SLC4A10: variants seen among roughly 807,000 people sequenced by gnomAD.
SLC4A10 encodes the protein sodium-driven chloride bicarbonate exchanger.
Under a neutral mutation model 137.7 loss-of-function variants are expected in SLC4A10, and 42 were observed. That is an observed-to-expected ratio of 0.30 (90% CI 0.24 to 0.39). SLC4A10 has a LOEUF of 0.39. Ranked by LOEUF, SLC4A10 falls within the 10% of genes least tolerant of loss-of-function variation. SLC4A10 has a pLI of 1.00. For missense variants in SLC4A10, 925 were observed against 1,355.0 expected, an observed-to-expected ratio of 0.68 and a Z score of 4.98; for synonymous variants, 474 against 464.1, an observed-to-expected ratio of 1.02 and a Z score of -0.27.
Position 161,879,205 on chromosome 2 carries a change from C to G in SLC4A10, c.1023C>G (p.Phe341Leu), listed in dbSNP as rs552228145. 3.1e-6 allele frequency: 5 copies of G among 1,613,448 alleles called. No homozygotes were observed. Among genetic ancestry groups the G allele is most frequent in the South Asian group, 2.2e-5 (2 of 91,052 alleles). Residue 341 changes from phenylalanine (F) to leucine (L), a missense_variant, in exon 9 of 27, where the codon TTC becomes TTG. Around this residue, in one of 11 missense-constraint regions of SLC4A10, gnomAD observed 277 missense variants for 306.1 expected, o/e 0.90. Coordinates refer to ENST00000446997, the MANE Select transcript of SLC4A10 (RefSeq NM_001178015.2). Reference sequence around the variant, plus strand: ...ACATCTTAGTGGGAGAACTGGAGTTCTTGGATCGAACAGTAGTTGCGTTTG... The same window carrying G: ...ACATCTTAGTGGGAGAACTGGAGTTGTTGGATCGAACAGTAGTTGCGTTTG... ...ASNILVGELE[F>L]LDRTVVAFVR... is the part of the protein sequence containing the mutation.
At chr2:161,658,596 CTTT>C (rs35686377) in intron 1 of SLC4A10, among the ~76,000 whole-genome samples, 6 of 128,388 alleles carry the variant, frequency 4.7e-5, no homozygotes, top group Non-Finnish European at 4.7e-5. Context: ...AAATAGTTTC[CTTT>C]TTTTTTTTTT....
intron 9 of SLC4A10, among the ~76,000 whole-genome samples, chr2:161,880,936 T>A (rs1423453455): frequency 1.3e-5 from 2 of 152,072 alleles, no homozygotes; most frequent in African/African-American, 4.8e-5. Context: ...TATATACCCT[T>A]ACTGTGAAAA....
chr2:161,787,581 CT>C (rs145275895), intron 2 of SLC4A10, among the ~76,000 whole-genome samples: 4,863 of 152,172 alleles, frequency 0.032, 108 homozygotes, highest in Middle Eastern at 0.054. Flanking sequence ...AATTTACCCC[CT>C]ATACCATCTT....
chr2:161,726,447 G>A (rs2046229502), intron 1 of SLC4A10, among the ~76,000 whole-genome samples: 1 of 152,162 alleles, frequency 6.6e-6, no homozygotes, highest in Admixed American at 6.5e-5. Context: ...AATGTGGGGA[G>A]AATGTTAGAG....
chr2:161,922,963 T>A (rs1431474151), intron 15 of SLC4A10, among the ~76,000 whole-genome samples: 1 of 152,114 alleles, frequency 6.6e-6, no homozygotes, highest in African/African-American at 2.4e-5. Flanking sequence ...GAAGGTACTA[T>A]TAATAACTAC....
At chr2:161,647,290 C>T (rs1223762646) in intron 1 of SLC4A10, among the ~76,000 whole-genome samples, 1 of 151,898 alleles carries the variant, frequency 6.6e-6, no homozygotes, top group Non-Finnish European at 1.5e-5. Flanking sequence ...GGTATTTCAG[C>T]CTGTCAGGGT....
In SLC4A10 at chr2:161,974,325, TA is replaced by T. The variant is rs1193063853; in HGVS notation, c.3227+12del. 2 of 1,594,078 alleles carry T rather than the reference TA, an allele frequency of 1.3e-6. No individual in the cohort carries two copies. Among genetic ancestry groups the T allele is most frequent in the Non-Finnish European group, 1.7e-6 (2 of 1,169,816 alleles). ...TTGGAAGGGCACTATAGGTAAGACA[TA>T]AATTTAAAAACACATCAATTAAAGT... On this transcript the variant is annotated intron_variant, in intron 24 of 26. Transcript: ENST00000446997.
At chr2:161,657,686 G>A (rs1386517859) in intron 1 of SLC4A10, among the ~76,000 whole-genome samples, 1 of 151,892 alleles carries the variant, frequency 6.6e-6, no homozygotes, top group Non-Finnish European at 1.5e-5. Context: ...AGCTGTTTCT[G>A]TTATTTCTAA....
intron 8 of SLC4A10, among the ~76,000 whole-genome samples, chr2:161,876,107 T>C (rs1165715808): frequency 1.3e-5 from 2 of 152,134 alleles, no homozygotes; most frequent in Non-Finnish European, 2.9e-5. Flanking sequence ...CAGAAAGAAA[T>C]CTTTCCACTA....
At chr2:161,772,298 C>A (rs77928418) in intron 2 of SLC4A10, among the ~76,000 whole-genome samples, 1 of 151,618 alleles carries the variant, frequency 6.6e-6, no homozygotes, top group African/African-American at 2.4e-5. Flanking sequence ...ATTTACCTTC[C>A]TATTTATGTC....
At chr2:161,947,847 G>T (rs573008640) in intron 17 of SLC4A10, 120 bp downstream of exon 17, 1 of 1,103,420 alleles carries the variant, frequency 9.1e-7, no homozygotes, top group East Asian at 2.4e-5. Context: ...GGTTAGTTGT[G>T]GAGTGAGATG....
chr2:161,862,462 C>T (rs532011297), intron 5 of SLC4A10, among the ~76,000 whole-genome samples: 2 of 152,238 alleles, frequency 1.3e-5, no homozygotes, highest in East Asian at 1.9e-4. Context: ...AATTCAAACA[C>T]GTTATGAATT....
At chr2:161,846,305 A>G (rs774835894) in intron 4 of SLC4A10, among the ~76,000 whole-genome samples, 2 of 152,208 alleles carry the variant, frequency 1.3e-5, no homozygotes, top group African/African-American at 4.8e-5. Context: ...AGTAAAAATG[A>G]AAAAATAGTC....
chr2:161,824,018 T>G (rs764304578), intron 3 of SLC4A10, among the ~76,000 whole-genome samples: 36 of 152,230 alleles, frequency 2.4e-4, no homozygotes, highest in Non-Finnish European at 4.4e-4. Context: ...GAATCCTTTT[T>G]CTACTTTGGT....
chr2:161,980,392 TA>T (rs1469006199), intron 26 of SLC4A10, among the ~76,000 whole-genome samples: 1 of 152,206 alleles, frequency 6.6e-6, no homozygotes, highest in Admixed American at 6.5e-5. Context: ...CTCAGGCCTA[TA>T]ATCTCAGCAC....
chr2:161,805,674 C>G (rs2055868934), intron 3 of SLC4A10, among the ~76,000 whole-genome samples: 1 of 152,228 alleles, frequency 6.6e-6, no homozygotes, highest in Non-Finnish European at 1.5e-5. Context: ...CTCCATGTCT[C>G]ACATGCAGGT....
chr2:161,694,104 A>G (rs2124944496), intron 1 of SLC4A10, among the ~76,000 whole-genome samples: 1 of 152,110 alleles, frequency 6.6e-6, no homozygotes, highest in East Asian at 1.9e-4. Context: ...TTATCCTACA[A>G]TAATTTTTTT....
Position 161,873,599 on chromosome 2 carries a change from C to T in SLC4A10, c.859-317C>T, listed in dbSNP as rs975915170. 2.0e-4 allele frequency among the ~76,000 whole-genome samples: 29 copies of T among 146,810 alleles called. 1 individual carries two copies. Among genetic ancestry groups the T allele is most frequent in the Admixed American group, 1.9e-3 (28 of 14,710 alleles). ...GGAGTTTGAATACTTGGTGAAAATA[C>T]GGCAGGTTAACAATTCTCTTTATCT... On this transcript the variant is annotated intron_variant, in intron 7 of 26. Transcript: ENST00000446997.
chr2:161,847,469 C>T (rs1454349865), intron 4 of SLC4A10, among the ~76,000 whole-genome samples: 2 of 151,928 alleles, frequency 1.3e-5, no homozygotes, highest in Non-Finnish European at 2.9e-5. Flanking sequence ...TTTCAATCCT[C>T]CCATTCCTCC....
Sources: gnomAD v4.1 joint callset for allele counts (sites outside exome capture counted in the v4.1 genomes callset) on GRCh38, gnomAD v4.1.1 for gene constraint, gnomAD v4.1.1 regional missense constraint, MANE v1.5 for transcripts, NCBI Gene and HGNC (gene_info 2026-07-23, HGNC 2026-07-21) for gene names.